Variants in TRPM3 observed in about 807,000 individuals in gnomAD.
TRPM3 encodes transient receptor potential cation channel subfamily M member 3.
In TRPM3, 77 loss-of-function variants were observed where a neutral mutation model predicts 181.2. The observed-to-expected ratio is 0.42, with a 90% confidence interval of 0.35 to 0.51. The LOEUF is 0.51. Ranked by LOEUF, TRPM3 falls within the 20% of genes least tolerant of loss-of-function variation. TRPM3 has a pLI of 0.01. For missense variants in TRPM3, 1,759 were observed against 2,196.7 expected (o/e 0.80, Z 3.98); for synonymous variants, 745 against 796.4 (o/e 0.94, Z 1.09).
chr9:71,191,517 AT>A (rs1188664177), intron 1 of TRPM3, among the ~76,000 whole-genome samples: 1 of 151,262 alleles, frequency 6.6e-6, no homozygotes, highest in Non-Finnish European at 1.5e-5. Flanking sequence ...CTTCTTTTTC[AT>A]TTATTTTTGC....
chr9:71,227,663 C>G (rs533863775), intron 1 of TRPM3, among the ~76,000 whole-genome samples: 1 of 151,722 alleles, frequency 6.6e-6, no homozygotes. Flanking sequence ...ACATTAGAAC[C>G]AATACTGCAG....
intron 1 of TRPM3, among the ~76,000 whole-genome samples, chr9:71,247,385 A>G (rs1270934600): frequency 1.3e-5 from 2 of 151,652 alleles, no homozygotes; most frequent in African/African-American, 4.8e-5. Context: ...ATTAACAATA[A>G]TAATAGTTGA....
intron 1 of TRPM3, among the ~76,000 whole-genome samples, chr9:71,254,203 C>A (rs1237610850): frequency 6.6e-6 from 1 of 152,162 alleles, no homozygotes; most frequent in African/African-American, 2.4e-5. Flanking sequence ...CAGGCAAGAG[C>A]CACTGCGCCT....
Position 70,638,938 on chromosome 9 carries a change from G to T in TRPM3, c.1581+122C>A, listed in dbSNP as rs1346837531. The T allele has an allele frequency of 7.1e-6, 8 of 1,129,554 alleles. No homozygotes were observed. In the Admixed American group the frequency reaches 1.4e-4, roughly 20 times the overall value. 70.0% of individuals were successfully genotyped at this position (1,129,554 alleles called of 1,614,324 possible). ...TCTATGTAGGTCTAAGGGAGTATTT[G>T]TGATGAATGAACCATGCATTTGGAC... On this transcript the variant is annotated intron_variant, in intron 11 of 25. Coordinates refer to ENST00000677713, the MANE Select transcript of TRPM3 (RefSeq NM_001366145.2).
chr9:71,235,675 T>C (rs915048852), intron 1 of TRPM3, among the ~76,000 whole-genome samples: 2 of 152,220 alleles, frequency 1.3e-5, no homozygotes, highest in Non-Finnish European at 2.9e-5. Context: ...AATTGGAAAT[T>C]GGCAGTAAGT....
rs763229951 is a variant in TRPM3, at chr9:70,640,679, G to C, written c.1346-19C>G. The C allele has an allele frequency of 3.1e-6, 5 of 1,600,582 alleles. No individual in the cohort carries two copies. The South Asian group carries it at 5.5e-5, about 18-fold the overall frequency. On this transcript the variant is annotated intron_variant, in intron 9 of 25. Transcript: ENST00000677713. ...TTGGCTCCTGTGTGAGGACAAGTGG[G>C]AGAAAAGAGTGGAAGAGAGAAAACG...
At chr9:71,235,352 TG>T (rs1554852233) in intron 1 of TRPM3, among the ~76,000 whole-genome samples, 2 of 152,234 alleles carry the variant, frequency 1.3e-5, no homozygotes, top group Non-Finnish European at 2.9e-5. Context: ...TATTTGAAAC[TG>T]TATTATGCAT....
chr9:70,829,265 T>C (rs1043558419), intron 5 of TRPM3, among the ~76,000 whole-genome samples: 1 of 152,198 alleles, frequency 6.6e-6, no homozygotes, highest in African/African-American at 2.4e-5. Flanking sequence ...TACAAAGTGA[T>C]TTATAAGAGC....
At chr9:71,226,758 T>C (rs1360169590) in intron 1 of TRPM3, among the ~76,000 whole-genome samples, 1 of 152,018 alleles carries the variant, frequency 6.6e-6, no homozygotes, top group Non-Finnish European at 1.5e-5. Flanking sequence ...TAGAGCTAGA[T>C]AGAGAGATAG....
chr9:70,816,241 A>G (rs2092679614), intron 6 of TRPM3, among the ~76,000 whole-genome samples: 1 of 152,232 alleles, frequency 6.6e-6, no homozygotes, highest in South Asian at 2.1e-4. Flanking sequence ...AAACACATCC[A>G]ATTATATATT....
intron 1 of TRPM3, among the ~76,000 whole-genome samples, chr9:71,137,221 G>A (rs904791072): frequency 2.0e-5 from 3 of 151,928 alleles, no homozygotes; most frequent in South Asian, 4.2e-4. Context: ...ACACAAAACC[G>A]ACAAAGAAAA....
At chr9:71,303,396 A>C (rs181277002) in intron 1 of TRPM3, among the ~76,000 whole-genome samples, 31 of 152,348 alleles carry the variant, frequency 2.0e-4, no homozygotes, top group Admixed American at 6.5e-4. Flanking sequence ...AACAGGTTAC[A>C]GTGATTTTTT....
intron 1 of TRPM3, among the ~76,000 whole-genome samples, chr9:71,058,586 G>T (rs2060936409): frequency 6.6e-6 from 1 of 151,994 alleles, no homozygotes; most frequent in South Asian, 2.1e-4. Flanking sequence ...CTGCTGCAAT[G>T]AATGCATTTC....
chr9:70,942,962 C>T (rs1216896468), intron 1 of TRPM3, among the ~76,000 whole-genome samples: 1 of 152,002 alleles, frequency 6.6e-6, no homozygotes, highest in East Asian at 1.9e-4. Flanking sequence ...AAGCACCTGG[C>T]CATCAAGAAA....
intron 1 of TRPM3, among the ~76,000 whole-genome samples, chr9:71,183,854 G>C (rs1428527682): frequency 6.6e-6 from 1 of 152,084 alleles, no homozygotes; most frequent in Non-Finnish European, 1.5e-5. Context: ...GGTTTCCTTT[G>C]TGAGAACGTA....
At chr9:70,665,195 ATT>A (rs1417237597) in intron 9 of TRPM3, among the ~76,000 whole-genome samples, 1 of 128,612 alleles carries the variant, frequency 7.8e-6, no homozygotes, top group East Asian at 2.5e-4. Flanking sequence ...GTAATTCAGC[ATT>A]GTTTGTTTTT....
chr9:70,663,020 A>G (rs1177633402), intron 9 of TRPM3, among the ~76,000 whole-genome samples: 1 of 152,230 alleles, frequency 6.6e-6, no homozygotes, highest in Non-Finnish European at 1.5e-5. Flanking sequence ...GTGAGTAAAG[A>G]AAATGCAGTA....
chr9:70,667,441 T>C (rs1230905205), intron 9 of TRPM3, among the ~76,000 whole-genome samples: 1 of 152,178 alleles, frequency 6.6e-6, no homozygotes, highest in Non-Finnish European at 1.5e-5. Flanking sequence ...CAGCATCTAA[T>C]ATGCATTAAT....
At chr9:71,132,754 T>G (rs1201528171) in intron 1 of TRPM3, among the ~76,000 whole-genome samples, 1 of 152,186 alleles carries the variant, frequency 6.6e-6, no homozygotes, top group Non-Finnish European at 1.5e-5. Context: ...TTTAGAAATA[T>G]TACCAAGTAT....
Sources: allele counts gnomAD v4.1 joint callset (sites outside exome capture counted in the v4.1 genomes callset), GRCh38; gene constraint gnomAD v4.1.1; transcripts MANE v1.5; gene names NCBI Gene and HGNC (gene_info 2026-07-23, HGNC 2026-07-21).